Variants in CPS1 observed in about 807,000 individuals in gnomAD.
The protein encoded by CPS1 is carbamoyl-phosphate synthase [ammonia], mitochondrial.
Under a neutral mutation model 174.6 loss-of-function variants are expected in CPS1, and 109 were observed. The observed-to-expected ratio is 0.62, with a 90% CI of 0.53 to 0.73. The LOEUF is 0.73. Among genes scored for constraint, CPS1 ranks in the 30% least tolerant of loss-of-function variants. CPS1 has a pLI of 0.00. For synonymous variants in CPS1, 637 were observed against 632.0 expected (o/e 1.01, Z -0.12); for missense variants, 1,689 against 1,821.9 (o/e 0.93, Z 1.33).
At chr2:210,528,891 AG>A (rs1311484294) in intron 1 of CPS1, among the ~76,000 whole-genome samples, 3 of 151,142 alleles carry the variant, frequency 2.0e-5, no homozygotes, top group Non-Finnish European at 4.4e-5. Flanking sequence ...CTATGAGACA[AG>A]AAACAAAAGG....
At chr2:210,650,291 A>T (rs974841655) in intron 27 of CPS1, 72 bp from the exon 28 acceptor site, 257 of 1,238,112 alleles carry the variant, frequency 2.1e-4, no homozygotes, top group Non-Finnish European at 2.8e-4. Context: ...GTTGTCTGGA[A>T]CTGTTCTGAG....
chr2:210,553,692 T>C (rs1253325113), upstream of CPS1, among the ~76,000 whole-genome samples: 1 of 151,996 alleles, frequency 6.6e-6, no homozygotes, highest in Non-Finnish European at 1.5e-5. Flanking sequence ...AAAAAATGCT[T>C]ATTTTTTAAA....
chr2:210,510,564 C>T (rs976332259), intron 1 of CPS1, among the ~76,000 whole-genome samples: 1 of 152,134 alleles, frequency 6.6e-6, no homozygotes, highest in African/African-American at 2.4e-5. Flanking sequence ...AGCTTCTGCA[C>T]AGCAAAAGAA....
intron 1 of CPS1, among the ~76,000 whole-genome samples, chr2:210,561,953 C>A (rs1697115760): frequency 1.3e-5 from 2 of 152,106 alleles, no homozygotes; most frequent in Admixed American, 6.5e-5. Flanking sequence ...AAGAATTTTA[C>A]TAAGTTTCTT....
intron 1 of CPS1, among the ~76,000 whole-genome samples, chr2:210,486,232 G>T (rs1311289695): frequency 1.3e-5 from 2 of 151,064 alleles, no homozygotes; most frequent in African/African-American, 4.9e-5. Context: ...CTTTTAAATT[G>T]GGATGTTTAT....
At chr2:210,501,092 G>A (rs961652329) in intron 1 of CPS1, among the ~76,000 whole-genome samples, 13 of 152,138 alleles carry the variant, frequency 8.5e-5, no homozygotes, top group Non-Finnish European at 1.8e-4. Context: ...TGTACCTTGG[G>A]CATTTTTAGC....
At chr2:210,648,682 T>A (rs184264461) in intron 27 of CPS1, 142 bp downstream of exon 27, 1 of 759,436 alleles carries the variant, frequency 1.3e-6, no homozygotes, top group African/African-American at 1.7e-5. Flanking sequence ...ACAGCCAGTT[T>A]AAGGACCAAT....
At chr2:210,495,785 C>A (rs1178010270) in intron 1 of CPS1, among the ~76,000 whole-genome samples, 1 of 152,098 alleles carries the variant, frequency 6.6e-6, no homozygotes, top group Non-Finnish European at 1.5e-5. Flanking sequence ...GCAATGTTTG[C>A]TTTGCCATTT....
intron 1 of CPS1, among the ~76,000 whole-genome samples, chr2:210,544,582 A>G (rs1162914299): frequency 2.6e-5 from 4 of 152,002 alleles, no homozygotes; most frequent in African/African-American, 7.2e-5. Context: ...ATATATGTAA[A>G]TATTACTTGA....
chr2:210,638,493 G>T (rs1209962795), intron 22 of CPS1, among the ~76,000 whole-genome samples: 3 of 152,136 alleles, frequency 2.0e-5, no homozygotes, highest in African/African-American at 7.2e-5. Flanking sequence ...GTGTGCTCAA[G>T]GGGCACGTGC....
At chr2:210,625,131 G>A (rs907018280) in intron 21 of CPS1, among the ~76,000 whole-genome samples, 2 of 151,758 alleles carry the variant, frequency 1.3e-5, no homozygotes, top group Non-Finnish European at 2.9e-5. Flanking sequence ...CTATGTGTAA[G>A]GTTTTGTGCT....
chr2:210,612,523 A>G (rs949119087), intron 20 of CPS1, among the ~76,000 whole-genome samples: 4 of 151,920 alleles, frequency 2.6e-5, no homozygotes, highest in Non-Finnish European at 4.4e-5. Context: ...TTTAAGGGCA[A>G]ATTGCAGTTT....
At position 210,660,558 on chromosome 2, in the gene CPS1, A is replaced by G; in HGVS notation, c.3830A>G (p.Asp1277Gly). Residue 1277 changes from aspartate (D) to glycine (G), a missense_variant, in exon 32 of 38, where the codon GAT becomes GGT. Transcript: ENST00000233072. Reference sequence around the variant, plus strand: ...AAGACTCTTGGGGTTGACTTCATTGATGTGGCCACCAAGGTGATGATTGGA... The same window carrying G: ...AAGACTCTTGGGGTTGACTTCATTGGTGTGGCCACCAAGGTGATGATTGGA... ...VSKTLGVDFI[D>G]VATKVMIGEN... 1.2e-6 allele frequency: 2 copies of G among 1,614,132 alleles called. No homozygotes were observed. The highest frequency in any genetic ancestry group is 1.7e-6 in the Non-Finnish European group (2 of 1,179,994).
intron 7 of CPS1, among the ~76,000 whole-genome samples, chr2:210,589,117 T>C (rs991399995): frequency 6.6e-6 from 1 of 152,028 alleles, no homozygotes; most frequent in Non-Finnish European, 1.5e-5. Flanking sequence ...GTCCCATGGA[T>C]AGGCAGTCTC....
chr2:210,511,611 C>G (rs1038840011), intron 1 of CPS1, among the ~76,000 whole-genome samples: 24 of 152,050 alleles, frequency 1.6e-4, no homozygotes, highest in African/African-American at 5.8e-4. Flanking sequence ...TATTCAAAGA[C>G]TTTTACAACT....
At position 210,569,161 on chromosome 2, in the gene CPS1, C is replaced by T. The variant is rs953390583; in HGVS notation, c.127-4137C>T. Among the ~76,000 whole-genome samples the T allele has an allele frequency of 2.6e-5, 4 of 152,012 alleles. No individual in the cohort carries two copies. The East Asian group carries it at 5.8e-4, about 22-fold the overall frequency. ...TGCAAGAAGCAGACCCAATACTCTG[C>T]CTGCATGAAGTTCACTTTCTAATGT... is the stretch of plus-strand genomic sequence containing the variant. On this transcript the variant is annotated intron_variant, in intron 1 of 37. Transcript: ENST00000233072.
intron 18 of CPS1, among the ~76,000 whole-genome samples, chr2:210,607,341 C>T (rs1698952550): frequency 1.3e-5 from 2 of 151,900 alleles, no homozygotes; most frequent in African/African-American, 2.4e-5. Flanking sequence ...TTGACTCAAG[C>T]ATGCAATACA....
At chr2:210,569,843 G>A (rs1174496848) in intron 1 of CPS1, among the ~76,000 whole-genome samples, 1 of 151,774 alleles carries the variant, frequency 6.6e-6, no homozygotes, top group Non-Finnish European at 1.5e-5. Context: ...GATTTCCTTT[G>A]TACTTCCCCT....
intron 21 of CPS1, among the ~76,000 whole-genome samples, chr2:210,630,171 G>A (rs1453746896): frequency 1.3e-5 from 2 of 151,410 alleles, no homozygotes; most frequent in African/African-American, 4.8e-5. Context: ...TACATTAAGC[G>A]TTTTTCTTCA....
Sources: gnomAD v4.1 joint callset for allele counts (sites outside exome capture counted in the v4.1 genomes callset) on GRCh38, gnomAD v4.1.1 for gene constraint, MANE v1.5 for transcripts, NCBI Gene and HGNC (gene_info 2026-07-23, HGNC 2026-07-21) for gene names.